The following COX16 variants were observed in gnomAD, a reference collection of about 807,000 sequenced individuals.
COX16 encodes the protein cytochrome c oxidase assembly protein COX16 homolog, mitochondrial.
Under a neutral mutation model 15.4 loss-of-function variants are expected in COX16, and 12 were observed. The observed-to-expected ratio is 0.78, with a 90% CI of 0.50 to 1.26. The LOEUF (loss-of-function observed/expected upper bound fraction) is 1.26. Ranked by LOEUF, COX16 falls within the 50% of genes most tolerant of loss-of-function variation. The pLI, the probability that COX16 is intolerant of heterozygous loss-of-function variation, is 0.00. For missense variants in COX16, 124 were observed against 127.6 expected (o/e 0.97, Z 0.14); for synonymous variants, 46 against 41.1 (o/e 1.12, Z -0.46).
intron 1 of COX16, among the ~76,000 whole-genome samples, chr14:70,348,425 T>C (rs1886846590): frequency 6.6e-6 from 1 of 152,196 alleles, no homozygotes; most frequent in Non-Finnish European, 1.5e-5. Flanking sequence ...TACACACTTC[T>C]GTGTGAACAC....
chr14:70,326,562 G>GATTACAACTGTAGCAAATAAATCA, intron 3 of COX16, 113 bp from the exon 4 acceptor site: 1 of 632,628 alleles, frequency 1.6e-6, no homozygotes, highest in Non-Finnish European at 2.3e-6. Context: ...ATAGGTCCTC[G>GATTACAACTGTAGCAAATAAATCA]ATTACAACTG....
At chr14:70,344,408 G>A (rs778489215) in intron 1 of COX16, among the ~76,000 whole-genome samples, 5 of 152,236 alleles carry the variant, frequency 3.3e-5, no homozygotes, top group Admixed American at 6.5e-5. Flanking sequence ...AATGAACAAG[G>A]GCAGCTTACA....
Position 70,325,798 on chromosome 14 carries a change from T to C in COX16, c.*535A>G, listed in dbSNP as rs1886049612. The stretch of plus-strand genomic sequence containing the variant: ...TAATGGTATCATTGTAATTATCATG[T>C]GATGCTTTGGAGACTGATTATCATA... On this transcript the variant is annotated 3_prime_UTR_variant, in exon 4 of 4. Transcript: ENST00000389912. The C allele has an allele frequency of 6.6e-6, 1 of 152,254 alleles. No individual in the cohort carries two copies. The highest frequency in any genetic ancestry group is 2.1e-4 in the South Asian group (1 of 4,834). 9.4% of individuals were successfully genotyped at this position (152,254 alleles called of 1,614,324 possible).
At chr14:70,329,068 A>T in intron 3 of COX16, 106 bp downstream of exon 3, 1 of 969,570 alleles carries the variant, frequency 1.0e-6, no homozygotes, top group Non-Finnish European at 1.5e-6. Context: ...TTTATCAAAT[A>T]CCATATATAT....
At chr14:70,337,797 T>G (rs1173825581) in intron 2 of COX16, among the ~76,000 whole-genome samples, 1 of 151,942 alleles carries the variant, frequency 6.6e-6, no homozygotes, top group African/African-American at 2.4e-5. Context: ...CTAAAAAATA[T>G]AGTAACTGAA....
intron 3 of COX16, 135 bp from the exon 4 acceptor site, chr14:70,326,584 T>A (rs896592835): frequency 1.9e-6 from 1 of 514,602 alleles, no homozygotes; most frequent in Non-Finnish European, 3.0e-6. Context: ...AGCAAATAAA[T>A]CAACTACAAT....
At chr14:70,328,960 GT>G (rs375899359) in intron 3 of COX16, among the ~76,000 whole-genome samples, 7 of 151,850 alleles carry the variant, frequency 4.6e-5, no homozygotes, top group African/African-American at 1.7e-4. Flanking sequence ...TCAGCATTTT[GT>G]TTTTTACTTT....
intron 1 of COX16, among the ~76,000 whole-genome samples, chr14:70,350,215 G>A (rs973371861): frequency 2.0e-5 from 3 of 152,204 alleles, no homozygotes; most frequent in African/African-American, 7.2e-5. Flanking sequence ...GAAGATAGCA[G>A]AAGCAGGAAG....
intron 3 of COX16, among the ~76,000 whole-genome samples, chr14:70,327,911 C>G: frequency 6.6e-6 from 1 of 151,972 alleles, no homozygotes; most frequent in East Asian, 1.9e-4. Context: ...GAGTGTGGAA[C>G]AGCGTCAAGA....
chr14:70,328,331 T>C (rs1886160354), intron 3 of COX16: 2 of 151,828 alleles, frequency 1.3e-5, no homozygotes, highest in South Asian at 4.1e-4. Flanking sequence ...ACAATTAAAT[T>C]GTCAAAATAA....
intron 1 of COX16, among the ~76,000 whole-genome samples, chr14:70,357,158 C>CAAAAAAAAAAAAAAAAAAAAAAAA: frequency 1.3e-5 from 1 of 78,700 alleles, no homozygotes; most frequent in Non-Finnish European, 2.4e-5. Context: ...AAGCGTTTGT[C>CAAAAAAAAAAAAAAAAAAAAAAAA]AAAAAAAAAA....
At chr14:70,349,340 A>G (rs1035052857) in intron 1 of COX16, among the ~76,000 whole-genome samples, 2 of 152,242 alleles carry the variant, frequency 1.3e-5, no homozygotes, top group South Asian at 4.1e-4. Context: ...CAGCTCCGCT[A>G]TCTTCTAGTC....
At chr14:70,344,226 T>A (rs947053813) in intron 1 of COX16, among the ~76,000 whole-genome samples, 2 of 152,260 alleles carry the variant, frequency 1.3e-5, no homozygotes, top group Non-Finnish European at 2.9e-5. Context: ...AGCCAGAGGC[T>A]GCATGACCCA....
chr14:70,355,874 A>C (rs1887108614), intron 1 of COX16, among the ~76,000 whole-genome samples: 1 of 152,060 alleles, frequency 6.6e-6, no homozygotes, highest in Admixed American at 6.6e-5. Flanking sequence ...TCCTTGTGGT[A>C]ATGAGTGAGT....
intron 3 of COX16, 84 bp from the exon 4 acceptor site, chr14:70,326,533 A>T: frequency 9.6e-7 from 1 of 1,040,370 alleles, no homozygotes; most frequent in Non-Finnish European, 1.3e-6. Context: ...TCAATGAATA[A>T]ATGAGTAGAA....
At chr14:70,359,215 T>G (rs983891951) in intron 1 of COX16, 1 of 511,976 alleles carries the variant, frequency 2.0e-6, no homozygotes, top group African/African-American at 1.9e-5. Context: ...TTCAATTTAC[T>G]TAACTGTGAA....
chr14:70,346,234 G>A (rs945102866), intron 1 of COX16, among the ~76,000 whole-genome samples: 7 of 152,146 alleles, frequency 4.6e-5, no homozygotes, highest in African/African-American at 9.7e-5. Context: ...TCACAAGACC[G>A]TCTTAATTTA....
intron 2 of COX16, among the ~76,000 whole-genome samples, chr14:70,337,909 C>CA (rs369049313): frequency 3.2e-4 from 45 of 140,264 alleles, no homozygotes; most frequent in African/African-American, 6.2e-4. Context: ...AAATAAAGTA[C>CA]AAAAAAAAAA....
intron 1 of COX16, among the ~76,000 whole-genome samples, chr14:70,348,149 T>C (rs188826109): frequency 6.6e-6 from 1 of 152,296 alleles, no homozygotes; most frequent in East Asian, 1.9e-4. Context: ...AGTTCTCAGA[T>C]GGTCTGCCTG....
Sources: allele counts gnomAD v4.1 joint callset (sites outside exome capture counted in the v4.1 genomes callset), GRCh38; gene constraint gnomAD v4.1.1; transcripts MANE v1.5; gene names NCBI Gene and HGNC (gene_info 2026-07-23, HGNC 2026-07-21).